CLCN2: variants seen among roughly 807,000 people sequenced by gnomAD.
The protein encoded by CLCN2 is chloride voltage-gated channel 2.
Under a neutral mutation model 108.3 loss-of-function variants are expected in CLCN2, and 72 were observed. The observed-to-expected ratio is 0.66, with a 90% CI of 0.55 to 0.81. The LOEUF (loss-of-function observed/expected upper bound fraction) is 0.81. CLCN2 is among the 30% of genes least tolerant of loss of function. The pLI is 0.00. For synonymous variants in CLCN2, 471 were observed against 467.1 expected, an observed-to-expected ratio of 1.01 and a Z score of -0.11; for missense variants, 1,048 against 1,205.2, an observed-to-expected ratio of 0.87 and a Z score of 1.93.
intron 22 of CLCN2, chr3:184,349,362 G>C (rs1309797458): frequency 6.6e-6 from 1 of 152,244 alleles, no homozygotes; most frequent in Admixed American, 6.5e-5. Flanking sequence ...GGAGGTGGAG[G>C]TTGCAGTGAG....
In CLCN2 at chr3:184,358,108, C is replaced by G; in HGVS notation, c.482-13G>C. The G allele has an allele frequency of 6.2e-7, 1 of 1,614,098 alleles. No homozygotes were observed. The highest frequency in any genetic ancestry group is 1.3e-5 in the African/African-American group (1 of 75,062). On this transcript the variant is annotated splice_polypyrimidine_tract_variant and intron_variant, in intron 4 of 23. Transcript: ENST00000265593. ...GGGATGCCAGAGCCTGGAGAGGGAA[C>G]AGTCTCAGGAGAGGCATTCGATGCA...
chr3:184,354,606 A>G lies in CLCN2; in HGVS notation c.1449T>C (p.Asp483=), dbSNP rs1231445159. 2 of 1,589,066 alleles carry G rather than the reference A, an allele frequency of 1.3e-6. No individual in the cohort carries two copies. The highest frequency in any genetic ancestry group is 8.6e-7 in the Non-Finnish European group (1 of 1,167,810). The part of the protein sequence containing the change: ...VGESMAAWFP[D]GIHTDSSTYR... ...AGGTGCTGCTGTCCGTATGAATTCC[A>G]TCTGGGAACCAGGCAGCCATGCTTT... is the stretch of plus-strand genomic sequence containing the variant. The change falls in exon 14 of 24, where the codon GAT becomes GAC. Residue 483 remains aspartate, a synonymous_variant. Coordinates refer to ENST00000265593, the MANE Select transcript of CLCN2 (RefSeq NM_004366.6).
rs1728624048 is a variant in CLCN2 at position 184,357,242 on chromosome 3, G to A, written c.923C>T (p.Thr308Ile). ...AAAGGGGAAGTCGAGCCGGAATCGG[G>A]TTTTGAAGAGGGCTGTAATAGTCTC... Reference protein sequence around the residue: ...DEETITALFKTRFRLDFPFDL... With the variant: ...DEETITALFKIRFRLDFPFDL... Residue 308 changes from threonine (T) to isoleucine (I), a missense_variant, in exon 9 of 24, where the codon ACC becomes ATC. Physicochemically the swap from Thr to Ile is moderately conservative, Grantham distance 89. Coordinates refer to ENST00000265593, the MANE Select transcript of CLCN2 (RefSeq NM_004366.6). The A allele has an allele frequency of 1.2e-6, 2 of 1,614,028 alleles. No individual in the cohort carries two copies. Among genetic ancestry groups the A allele is most frequent in the South Asian group, 1.1e-5 (1 of 91,082 alleles).
rs547043633 is a variant in CLCN2 at position 184,357,081 on chromosome 3, A to G, written c.997T>C (p.Phe333Leu). 2.5e-6 allele frequency: 4 copies of G among 1,613,674 alleles called. No individual in the cohort carries two copies. Among genetic ancestry groups the G allele is most frequent in the African/African-American group, 2.7e-5 (2 of 75,020 alleles). Residue 333 changes from phenylalanine (F) to leucine (L), a missense_variant, in exon 10 of 24, where the codon TTC becomes CTC. By Grantham distance (22) the Phe-to-Leu change is conservative. Transcript: ENST00000265593. ...AGGTAGACAAAGAGGGCTCCACCGA[A>G]GCCACTAGCAATACTGGAAAGGGAA... The part of the protein sequence containing the change: ...AFAVIGIASG[F>L]GGALFVYLNR...
rs1476824338 is a variant in CLCN2 at position 184,360,149 on chromosome 3, T to G, written c.64-1018A>C. On this transcript the variant is annotated intron_variant, in intron 1 of 23. Transcript: ENST00000265593. ...AAGAAGGGGATGAGAGAGGAAGAAG[T>G]ACGGAGGAGGAAGAGAATGGAGAGT... 6.8e-5 allele frequency among the ~76,000 whole-genome samples: 10 copies of G among 147,040 alleles called. No individual in the cohort carries two copies. The Admixed American group carries it at 6.8e-4, about 10-fold the overall frequency.
Position 184,358,811 on chromosome 3 carries a change from A to C in CLCN2, c.223T>G (p.Cys75Gly). 6.2e-7 allele frequency: 1 copy of C among 1,614,004 alleles called. No individual in the cohort carries two copies. The highest frequency in any genetic ancestry group is 8.5e-7 in the Non-Finnish European group (1 of 1,179,944). Residue 75 changes from cysteine to glycine, a missense_variant and splice_region_variant, in exon 3 of 24, where the codon TGT (cysteine) becomes GGT (glycine). Cys to Gly is a radical substitution (Grantham distance 159). Transcript: ENST00000265593. Reference protein sequence around the residue: ...GRSRCARCRVCSVRCHKFLVS... With the variant: ...GRSRCARCRVGSVRCHKFLVS... ...AGGAACTTGTGGCAGCGGACAGAAC[A>C]GACTGGGTGCAGGGAAGGGAAGAAG...
chr3:184,352,760 G>A lies in CLCN2; in HGVS notation c.2194C>T (p.Pro732Ser), dbSNP rs767351643. The change falls in exon 19 of 24, where the codon CCA becomes TCA. Residue 732 changes from proline (P) to serine (S), a missense_variant. Transcript: ENST00000265593. ...ACCTCCGAAGCAGCCTCAGGGGGTG[G>A]ACTGCCACAGAAGAGGCTCCGGAGG... Reference protein sequence around the residue: ...IALRSLFCGSPPPEAASEKLE... With the variant: ...IALRSLFCGSSPPEAASEKLE... 1.2e-6 allele frequency: 2 copies of A among 1,613,190 alleles called. No individual in the cohort carries two copies. The highest frequency in any genetic ancestry group is 1.7e-6 in the Non-Finnish European group (2 of 1,180,006).
chr3:184,353,277 A>G lies in CLCN2; in HGVS notation c.2001T>C (p.Pro667=). 1.2e-6 allele frequency: 2 copies of G among 1,613,912 alleles called. No homozygotes were observed. Among genetic ancestry groups the G allele is most frequent in the Non-Finnish European group, 1.7e-6 (2 of 1,179,970 alleles). ...TSPLSDQEGP[P]TPEASVCFQV... is the part of the protein sequence containing the mutation. ...GGAAGCAGACAGAAGCCTCAGGGGT[A>G]GGGGGACCCTCCTGATCAGATAGTG... is the stretch of plus-strand genomic sequence containing the variant. Residue 667 remains proline (P), a synonymous_variant, in exon 17 of 24, where the codon CCT becomes CCC. Coordinates refer to ENST00000265593, the MANE Select transcript of CLCN2 (RefSeq NM_004366.6).
intron 15 of CLCN2, 26 bp from the exon 16 acceptor site, chr3:184,353,821 T>C (rs1185526196): frequency 1.3e-6 from 2 of 1,599,296 alleles, no homozygotes; most frequent in Non-Finnish European, 1.7e-6. Context: ...GGCGCTTGGT[T>C]TGTGGTCAGC....
intron 18 of CLCN2, 81 bp downstream of exon 18, chr3:184,352,952 C>G (rs114268564): frequency 6.5e-6 from 10 of 1,538,164 alleles, no homozygotes; most frequent in Non-Finnish European, 9.0e-6. Context: ...GGATGTACCC[C>G]AGCAACAGGG....
At chr3:184,351,901 C>T (rs1728126313) in intron 22 of CLCN2, 112 bp downstream of exon 22, 2 of 821,386 alleles carry the variant, frequency 2.4e-6, no homozygotes, top group African/African-American at 1.7e-5. Flanking sequence ...TGAGCCAACT[C>T]CCTTCTCCTC....
At chr3:184,347,307 C>T (rs984969157) in intron 22 of CLCN2, 7 of 475,572 alleles carry the variant, frequency 1.5e-5, no homozygotes, top group Admixed American at 6.5e-5. Context: ...GAAAGGGGGA[C>T]GTGGGACAGA....
Position 184,357,666 on chromosome 3 carries a change from G to A in CLCN2, c.726C>T (p.Ala242=), listed in dbSNP as rs768569603. The A allele has an allele frequency of 1.1e-4, 180 of 1,614,014 alleles. No homozygotes were observed. The highest frequency in any genetic ancestry group is 6.2e-5 in the Non-Finnish European group (73 of 1,180,036). Residue 242 remains alanine (A), a synonymous_variant, in exon 7 of 24, where the codon GCC becomes GCT. Coordinates refer to ENST00000265593, the MANE Select transcript of CLCN2 (RefSeq NM_004366.6). ...AGCAGCCCACCCCCACGGCACAGGC[G>A]GCAGCCAGCATCTCTGTGTTCCGGG... ...NESRNTEMLA[A]ACAVGVGCCF...
chr3:184,348,669 C>G (rs1194398043), intron 22 of CLCN2: 2 of 152,090 alleles, frequency 1.3e-5, no homozygotes, highest in Non-Finnish European at 2.9e-5. Context: ...TTACTAATCC[C>G]TTAGCCTTGT....
Position 184,361,136 on chromosome 3 carries a change from G to A in CLCN2, c.63+281C>T, listed in dbSNP as rs1470361604. Among the ~76,000 whole-genome samples, 1 of 152,194 alleles carries A rather than the reference G, an allele frequency of 6.6e-6. No individual in the cohort carries two copies. The highest frequency in any genetic ancestry group is 1.5e-5 in the Non-Finnish European group (1 of 68,016). On this transcript the variant is annotated intron_variant, in intron 1 of 23. Coordinates refer to ENST00000265593, the MANE Select transcript of CLCN2 (RefSeq NM_004366.6). The surrounding 1 kb of genome is among the most constrained non-coding windows in gnomAD (Gnocchi z 6.6). The stretch of plus-strand genomic sequence containing the variant: ...TGAGACTTGGGCCCAGGTGGTGAAG[G>A]GGAGGTGCAAAGAAAACGTGCATGT...
chr3:184,357,545 C>T (rs1349712723), intron 7 of CLCN2, 58 bp from the exon 8 acceptor site: 2 of 1,613,912 alleles, frequency 1.2e-6, no homozygotes, highest in African/African-American at 2.7e-5. Flanking sequence ...GGCCTCAGAC[C>T]CAGATAAGAG....
rs189719828 is a variant in CLCN2, at chr3:184,352,886, C to T, written c.2144-76G>A. 236 of 1,579,198 alleles carry T rather than the reference C, an allele frequency of 1.5e-4. 1 individual carries two copies. In the Admixed American group the frequency reaches 1.7e-3, roughly 11 times the overall value. ...AGGACCAGGAAAGGTAAGGAAGACACAGGGAGAGGTATCCCAGTTCCAGCC... is the reference window on the plus strand; with the variant it reads ...AGGACCAGGAAAGGTAAGGAAGACATAGGGAGAGGTATCCCAGTTCCAGCC... On this transcript the variant is annotated intron_variant, in intron 18 of 23. Transcript: ENST00000265593.
chr3:184,361,313 G>T lies in CLCN2; in HGVS notation c.63+104C>A. 8.2e-7 allele frequency: 1 copy of T among 1,225,858 alleles called. No individual in the cohort carries two copies. Among genetic ancestry groups the T allele is most frequent in the Non-Finnish European group, 1.2e-6 (1 of 831,486 alleles). 75.9% of individuals were successfully genotyped at this position (1,225,858 alleles called of 1,614,324 possible). A position where few individuals can be genotyped will look rare whatever the true frequency, so the allele number is the denominator to read the frequency against. ...AGCCTCAGTTTCCCCAGCTCAAAAT[G>T]CTAGGACAGGATTAGGGTAGGCCCC... is the stretch of plus-strand genomic sequence containing the variant. On this transcript the variant is annotated intron_variant, in intron 1 of 23. Coordinates refer to ENST00000265593, the MANE Select transcript of CLCN2 (RefSeq NM_004366.6). This position sits in a 1 kb window ranked among gnomAD's most constrained non-coding sequence, Gnocchi z 6.6.
At chr3:184,356,848 C>CA in intron 10 of CLCN2, 145 bp downstream of exon 10, 1 of 682,218 alleles carries the variant, frequency 1.5e-6, no homozygotes, top group East Asian at 2.7e-5. Flanking sequence ...TAAAAATGCT[C>CA]AGTCAGCCTG....
Sources: allele counts gnomAD v4.1 joint callset (sites outside exome capture counted in the v4.1 genomes callset), GRCh38; gene constraint gnomAD v4.1.1; non-coding constraint Gnocchi (gnomAD v3.1); transcripts MANE v1.5; gene names NCBI Gene and HGNC (gene_info 2026-07-23, HGNC 2026-07-21).